The following DSP variants were observed in gnomAD, a reference collection of about 807,000 sequenced individuals.
The protein encoded by DSP is 250/210 kDa paraneoplastic pemphigus antigen.
Under a neutral mutation model 290.6 loss-of-function variants are expected in DSP, and 114 were observed. The ratio of observed to expected loss-of-function variants is 0.39; its 90% CI spans 0.34 to 0.46. The LOEUF (loss-of-function observed/expected upper bound fraction) is 0.46, where lower values mean the gene tolerates loss of function less well. Among genes scored for constraint, DSP ranks in the 20% least tolerant of loss-of-function variants. The probability of loss-of-function intolerance (pLI) is 0.99; values close to 1 mark genes in which losing one functional copy is unlikely to be tolerated. For synonymous variants in DSP, 1,311 were observed against 1,316.4 expected, an observed-to-expected ratio of 1.00 and a Z score of 0.09; for missense variants, 3,230 against 3,495.8, an observed-to-expected ratio of 0.92 and a Z score of 1.92.
chr6:7,585,053 C>G lies in DSP; in HGVS notation c.7791C>G (p.Ser2597=). ...HESVSKISTI[S]SVRNLTIRSS... is the part of the protein sequence containing the mutation. ...CAGTAAGTAAGATTTCCACCATATCCAGCGTCAGGAATTTAACCATAAGGA... is the reference window on the plus strand; with the variant it reads ...CAGTAAGTAAGATTTCCACCATATCGAGCGTCAGGAATTTAACCATAAGGA... Residue 2597 remains serine, a synonymous_variant, in exon 24 of 24, where the codon TCC becomes TCG. Coordinates refer to ENST00000379802, the MANE Select transcript of DSP (RefSeq NM_004415.4). The G allele has an allele frequency of 6.2e-7, 1 of 1,614,182 alleles. No homozygotes were observed. The highest frequency in any genetic ancestry group is 8.5e-7 in the Non-Finnish European group (1 of 1,180,034).
rs1554105605 is a variant in DSP at position 7,555,740 on chromosome 6, C to T, written c.193C>T (p.His65Tyr). ...GYCQTGTMSR[H>Y]QNQNTIQELL... ...TAGTCAAACCGGCACGATGTCCAGG[C>T]ACCAGAACCAGAACACCATCCAGGA... is the stretch of plus-strand genomic sequence containing the variant. Residue 65 changes from histidine to tyrosine, a missense_variant, in exon 2 of 24, where the codon CAC becomes TAC. Transcript: ENST00000379802. 3.7e-6 allele frequency: 6 copies of T among 1,614,228 alleles called. No homozygotes were observed. The highest frequency in any genetic ancestry group is 5.1e-6 in the Non-Finnish European group (6 of 1,180,026).
Position 7,585,971 on chromosome 6 carries a change from T to G in DSP, c.*93T>G. The G allele has an allele frequency of 8.0e-7, 1 of 1,254,090 alleles. No individual in the cohort carries two copies. Among genetic ancestry groups the G allele is most frequent in the Non-Finnish European group, 1.1e-6 (1 of 869,816 alleles). The allele number at this position is 1,254,090 out of a possible 1,614,324, so 77.7% of individuals were successfully genotyped here. ...GAAAAGAAAATCCCGGTGCTTGCAG[T>G]AGAGTGATAGGACATTCTATGCTTA... On this transcript the variant is annotated 3_prime_UTR_variant, in exon 24 of 24. Coordinates refer to ENST00000379802, the MANE Select transcript of DSP (RefSeq NM_004415.4).
intron 2 of DSP, among the ~76,000 whole-genome samples, chr6:7,557,471 G>A (rs1758534770): frequency 6.6e-6 from 1 of 152,160 alleles, no homozygotes; most frequent in Non-Finnish European, 1.5e-5. Context: ...CTTGAGGTCA[G>A]GAGTTCAAGA....
At chr6:7,578,226 A>T (rs1313020409) in intron 21 of DSP, among the ~76,000 whole-genome samples, 1 of 152,238 alleles carries the variant, frequency 6.6e-6, no homozygotes, top group Non-Finnish European at 1.5e-5. Context: ...CAAAGATGTC[A>T]GAGACTATCG....
At chr6:7,553,849 G>A (rs925620546) in intron 1 of DSP, among the ~76,000 whole-genome samples, 3 of 152,114 alleles carry the variant, frequency 2.0e-5, no homozygotes, top group Non-Finnish European at 4.4e-5. Context: ...GTAGTTCCCA[G>A]GGAGGTCTGG....
In DSP at chr6:7,541,719, G is replaced by C; in HGVS notation, c.-197G>C. On this transcript the variant is annotated 5_prime_UTR_variant, in exon 1 of 24. Coordinates refer to ENST00000379802, the MANE Select transcript of DSP (RefSeq NM_004415.4). ...GAGCCACAGCTTTCCTCCCGCTCCT[G>C]CCCCCGGCCCGTCGCCGTCTCCGCG... 1 of 636,698 alleles carries C rather than the reference G, an allele frequency of 1.6e-6. No homozygotes were observed. Among genetic ancestry groups the C allele is most frequent in the East Asian group, 3.1e-5 (1 of 31,940 alleles). The allele number at this position is 636,698 out of a possible 1,614,324, so 39.4% of individuals were successfully genotyped here.
Position 7,585,551 on chromosome 6 carries a change from G to C in DSP, c.8289G>C (p.Arg2763Ser), listed in dbSNP as rs1179295714. ...TCATAGATGGCCGCGCCGCACAGAG[G>C]CTGCAAGACACCAGCAGCTATGCCA... is the stretch of plus-strand genomic sequence containing the variant. ...KGFIDGRAAQ[R>S]LQDTSSYAKI... The change falls in exon 24 of 24, where the codon AGG (arginine) becomes AGC (serine). Residue 2763 changes from arginine to serine, a missense_variant. Physicochemically the swap from Arg to Ser is moderately radical, Grantham distance 110. Around this residue, in one of 5 missense-constraint regions of DSP, gnomAD observed 582 missense variants for 555.4 expected, o/e 1.05. Coordinates refer to ENST00000379802, the MANE Select transcript of DSP (RefSeq NM_004415.4). The C allele has an allele frequency of 1.9e-6, 3 of 1,614,002 alleles. No homozygotes were observed. The Admixed American group carries it at 5.0e-5, about 27-fold the overall frequency.
intron 10 of DSP, 103 bp from the exon 11 acceptor site, chr6:7,568,334 G>A (rs1287858398): frequency 1.2e-5 from 16 of 1,299,296 alleles, no homozygotes; most frequent in Non-Finnish European, 1.7e-5. Context: ...TGCAACTGCA[G>A]TGATACTCAG....
rs754600329 is a variant in DSP, at chr6:7,585,382, T to C, written c.8120T>C (p.Met2707Thr). The change falls in exon 24 of 24, where the codon ATG (methionine) becomes ACG (threonine). Residue 2707 changes from methionine to threonine, a missense_variant. Met to Thr is a moderately conservative substitution (Grantham distance 81, BLOSUM62 -1). Coordinates refer to ENST00000379802, the MANE Select transcript of DSP (RefSeq NM_004415.4). The part of the protein sequence containing the change: ...GFEGVKGKKK[M>T]SAAEAVKEKW... ...GAGGGTGTGAAGGGAAAGAAGAAGATGTCAGCAGCAGAGGCAGTGAAAGAA... is the reference window on the plus strand; with the variant it reads ...GAGGGTGTGAAGGGAAAGAAGAAGACGTCAGCAGCAGAGGCAGTGAAAGAA... 1 of 1,613,934 alleles carries C rather than the reference T, an allele frequency of 6.2e-7. No homozygotes were observed. The highest frequency in any genetic ancestry group is 1.1e-5 in the South Asian group (1 of 91,074).
At position 7,542,005 on chromosome 6, in the gene DSP, G is replaced by A; in HGVS notation, c.90G>A (p.Val30=). 5.6e-6 allele frequency: 9 copies of A among 1,593,630 alleles called. No individual in the cohort carries two copies. Among genetic ancestry groups the A allele is most frequent in the Non-Finnish European group, 7.7e-6 (9 of 1,171,226 alleles). ...CTGGCCCGGACCTGCGCTACGAGGT[G>A]ACCAGCGGCGGCGGGGGCACCAGCA... is the stretch of plus-strand genomic sequence containing the variant. ...AESGPDLRYE[V]TSGGGGTSRM... Residue 30 remains valine (V), a synonymous_variant, in exon 1 of 24, where the codon GTG becomes GTA. Coordinates refer to ENST00000379802, the MANE Select transcript of DSP (RefSeq NM_004415.4).
At chr6:7,577,144 A>G in intron 20 of DSP, 102 bp downstream of exon 20, 1 of 867,018 alleles carries the variant, frequency 1.2e-6, no homozygotes, top group South Asian at 1.8e-5. Flanking sequence ...TGAGGATAGC[A>G]ATTACGGTCT....
chr6:7,544,328 A>T (rs1218192962), intron 1 of DSP, among the ~76,000 whole-genome samples: 1 of 152,042 alleles, frequency 6.6e-6, no homozygotes, highest in Admixed American at 6.5e-5. Context: ...GTGTGGAGGG[A>T]TATGTTTGGC....
chr6:7,567,289 C>A, intron 8 of DSP, 65 bp from the exon 9 acceptor site: 1 of 1,249,114 alleles, frequency 8.0e-7, no homozygotes, highest in Non-Finnish European at 1.2e-6. Flanking sequence ...GCTCACCTAT[C>A]TCTTGGTGTT....
intron 19 of DSP, 29 bp downstream of exon 19, chr6:7,576,485 G>C: frequency 6.2e-7 from 1 of 1,613,634 alleles, no homozygotes; most frequent in Non-Finnish European, 8.5e-7. Context: ...TTCCATAGCT[G>C]TTTTGAGATT....
At chr6:7,542,578 C>G (rs1758030703) in intron 1 of DSP, among the ~76,000 whole-genome samples, 1 of 152,206 alleles carries the variant, frequency 6.6e-6, no homozygotes, top group South Asian at 2.1e-4. Context: ...CCAGTAACCC[C>G]GAGACCACGA....
chr6:7,547,413 G>C (rs945642492), intron 1 of DSP, among the ~76,000 whole-genome samples: 2 of 151,878 alleles, frequency 1.3e-5, no homozygotes, highest in African/African-American at 4.8e-5. Context: ...GTTCTGCTTG[G>C]AATTACATTT....
Position 7,574,521 on chromosome 6 carries a change from A to G in DSP, c.2298-136A>G. On this transcript the variant is annotated intron_variant, in intron 16 of 23. Coordinates refer to ENST00000379802, the MANE Select transcript of DSP (RefSeq NM_004415.4). ...AATACAAAATGTTGGTCTGAATCAC[A>G]ATAGACCAAAAAACAGACAAAATAA... is the stretch of plus-strand genomic sequence containing the variant. The G allele has an allele frequency of 3.0e-6, 4 of 1,325,532 alleles. No individual in the cohort carries two copies. In the South Asian group the frequency reaches 5.0e-5, roughly 16 times the overall value. The allele number at this position is 1,325,532 out of a possible 1,614,324, so 82.1% of individuals were successfully genotyped here. A position where few individuals can be genotyped will look rare whatever the true frequency, so the allele number is the denominator to read the frequency against.
chr6:7,558,341 A>G (rs550094289), intron 3 of DSP, 77 bp downstream of exon 3: 35 of 1,554,216 alleles, frequency 2.3e-5, no homozygotes, highest in Middle Eastern at 1.9e-4. Context: ...CAATTCCATG[A>G]CCCAGGGCTT....
At position 7,559,307 on chromosome 6, in the gene DSP, T is replaced by G. The variant is rs758186548; in HGVS notation, c.504T>G (p.Gly168=). The change falls in exon 4 of 24, where the codon GGT becomes GGG. Residue 168 remains glycine, a synonymous_variant. Transcript: ENST00000379802. ...VPRVRRASSK[G]GGGYTCQSGS... ...GAGTCCGCAGGGCCAGCTCCAAGGG[T>G]GGTGGAGGCTACACTTGTCAGAGTG... 1 of 1,613,542 alleles carries G rather than the reference T, an allele frequency of 6.2e-7. No homozygotes were observed. Among genetic ancestry groups the G allele is most frequent in the Non-Finnish European group, 8.5e-7 (1 of 1,179,980 alleles).
Sources: gnomAD v4.1 joint callset for allele counts (sites outside exome capture counted in the v4.1 genomes callset) on GRCh38, gnomAD v4.1.1 for gene constraint, gnomAD v4.1.1 regional missense constraint, MANE v1.5 for transcripts, NCBI Gene and HGNC (gene_info 2026-07-23, HGNC 2026-07-21) for gene names.